The following LRRFIP1 variants were observed in gnomAD, a reference collection of about 807,000 sequenced individuals.
The protein encoded by LRRFIP1 is LRR binding FLII interacting protein 1, also known as leucine-rich repeat flightless-interacting protein 1.
LRRFIP1 carries 62 observed loss-of-function variants against 104.4 expected under a neutral mutation model. The ratio of observed to expected loss-of-function variants is 0.59; its 90% confidence interval spans 0.48 to 0.73. The LOEUF (loss-of-function observed/expected upper bound fraction) is 0.73, where lower values mean the gene tolerates loss of function less well. Ranked by LOEUF, LRRFIP1 falls within the 30% of genes least tolerant of loss-of-function variation. The probability of loss-of-function intolerance (pLI) is 0.00; values close to 1 mark genes in which losing one functional copy is unlikely to be tolerated. For missense variants in LRRFIP1, 796 were observed against 824.5 expected (o/e 0.97, Z 0.42); for synonymous variants, 300 against 299.0 (o/e 1.00, Z -0.03).
chr2:237,647,662 AGGG>A (rs2085163840), intron 1 of LRRFIP1, among the ~76,000 whole-genome samples: 2 of 151,404 alleles, frequency 1.3e-5, no homozygotes, highest in African/African-American at 4.9e-5. Flanking sequence ...CACTGCACGC[AGGG>A]TGGAGGGAGC....
intron 1 of LRRFIP1, among the ~76,000 whole-genome samples, chr2:237,685,620 C>T (rs764060361): frequency 4.6e-5 from 7 of 152,172 alleles, no homozygotes; most frequent in Non-Finnish European, 8.8e-5. Context: ...AGCTCACAAT[C>T]GGATCAAATC....
At chr2:237,663,417 G>A (rs1575251252) in intron 1 of LRRFIP1, among the ~76,000 whole-genome samples, 1 of 65,202 alleles carries the variant, frequency 1.5e-5, no homozygotes, top group African/African-American at 4.2e-5. Context: ...AAACAAACCC[G>A]GGGAGTTCTT....
intron 1 of LRRFIP1, among the ~76,000 whole-genome samples, chr2:237,638,270 C>T (rs756475193): frequency 6.6e-6 from 1 of 152,134 alleles, no homozygotes; most frequent in South Asian, 2.1e-4. Flanking sequence ...TCATAAGGAG[C>T]GCACAACCTA....
intron 14 of LRRFIP1, among the ~76,000 whole-genome samples, chr2:237,752,393 G>A (rs974732295): frequency 2.6e-5 from 4 of 152,168 alleles, no homozygotes; most frequent in African/African-American, 7.2e-5. Context: ...GTGACAGAGC[G>A]AGACACTGTT....
intron 11 of LRRFIP1, among the ~76,000 whole-genome samples, chr2:237,741,716 T>A (rs59091070): frequency 0.049 from 7,386 of 151,798 alleles, 197 homozygotes; most frequent in Middle Eastern, 0.13. Context: ...TAATCCCAGC[T>A]ACTTGGGAGG....
At position 237,733,640 on chromosome 2, in the gene LRRFIP1, C is replaced by T. The variant is rs769537918; in HGVS notation, c.445-134C>T. 6.1e-4 allele frequency: 464 copies of T among 755,474 alleles called. 1 individual carries two copies. The highest frequency in any genetic ancestry group is 1.5e-3 in the Admixed American group (60 of 40,600). The allele number at this position is 755,474 out of a possible 1,614,324, so 46.8% of individuals were successfully genotyped here. A position where few individuals can be genotyped will look rare whatever the true frequency, so the allele number is the denominator to read the frequency against. Reference sequence around the variant, plus strand: ...TTTGCAGAAAACACGGTGCCTCGATCGGTTTGTTTCTGTTTAACCACTGTA... The same window carrying T: ...TTTGCAGAAAACACGGTGCCTCGATTGGTTTGTTTCTGTTTAACCACTGTA... On this transcript the variant is annotated intron_variant, in intron 8 of 23. Transcript: ENST00000308482.
rs1006259488 is a variant in LRRFIP1, at chr2:237,655,408, C to G, written c.96+27668C>G. 2.6e-5 allele frequency among the ~76,000 whole-genome samples: 4 copies of G among 151,720 alleles called. No homozygotes were observed. In the South Asian group the frequency reaches 6.3e-4, roughly 24 times the overall value. On this transcript the variant is annotated intron_variant, in intron 1 of 23. Coordinates refer to ENST00000308482, the MANE Select transcript of LRRFIP1 (RefSeq NM_001137550.2). ...TACAGACATGAGCCACTGCACCCAGCCGTCACTCATCTTCTAATGGAAAGA... is the reference window on the plus strand; with the variant it reads ...TACAGACATGAGCCACTGCACCCAGGCGTCACTCATCTTCTAATGGAAAGA...
At chr2:237,732,120 G>A (rs990327127) in intron 8 of LRRFIP1, among the ~76,000 whole-genome samples, 1 of 151,780 alleles carries the variant, frequency 6.6e-6, no homozygotes, top group Non-Finnish European at 1.5e-5. Flanking sequence ...GTCCTAATTT[G>A]GCCCCATCTC....
Position 237,711,582 on chromosome 2 carries a change from G to A in LRRFIP1, c.184-2677G>A, listed in dbSNP as rs564608464. The stretch of plus-strand genomic sequence containing the variant: ...TGCCTGCACTTCTTCCCTCACGACC[G>A]TGGCTTGCGGCTGTGACACAGGGCG... On this transcript the variant is annotated intron_variant, in intron 2 of 23. Coordinates refer to ENST00000308482, the MANE Select transcript of LRRFIP1 (RefSeq NM_001137550.2). This position sits in a 1 kb window ranked among gnomAD's most constrained non-coding sequence, Gnocchi z 4.4. 6.6e-6 allele frequency among the ~76,000 whole-genome samples: 1 copy of A among 152,246 alleles called. No individual in the cohort carries two copies. The highest frequency in any genetic ancestry group is 1.9e-4 in the East Asian group (1 of 5,188).
At chr2:237,662,399 G>T (rs891995666) in intron 1 of LRRFIP1, among the ~76,000 whole-genome samples, 2 of 152,172 alleles carry the variant, frequency 1.3e-5, no homozygotes, top group African/African-American at 4.8e-5. Context: ...ACTGAACGCA[G>T]TGCAGGGTTC....
intron 10 of LRRFIP1, among the ~76,000 whole-genome samples, chr2:237,736,886 A>G (rs1258412809): frequency 6.6e-6 from 1 of 152,102 alleles, no homozygotes; most frequent in Non-Finnish European, 1.5e-5. Context: ...TTCCCCTCCA[A>G]GTGGATACTC....
chr2:237,748,540 C>A (rs2058174710), intron 12 of LRRFIP1, 141 bp downstream of exon 12: 1 of 735,358 alleles, frequency 1.4e-6, no homozygotes, highest in East Asian at 2.6e-5. Flanking sequence ...AACCTGGTAT[C>A]ACCTTCCCGG....
At chr2:237,767,279 A>G (rs2150901035) in intron 19 of LRRFIP1, among the ~76,000 whole-genome samples, 1 of 152,354 alleles carries the variant, frequency 6.6e-6, no homozygotes, top group African/African-American at 2.4e-5. Context: ...GTGTCAAAAG[A>G]TTCAAACTCA....
At chr2:237,692,235 C>T (rs2092842898) in intron 1 of LRRFIP1, 2 of 1,113,470 alleles carry the variant, frequency 1.8e-6, no homozygotes, top group Admixed American at 5.0e-5. Context: ...ACTCAGCCCG[C>T]GGCCACCTGC....
intron 9 of LRRFIP1, among the ~76,000 whole-genome samples, chr2:237,734,108 A>G (rs192242588): frequency 9.6e-4 from 146 of 152,304 alleles, no homozygotes; most frequent in Admixed American, 8.6e-3. Flanking sequence ...TACTTTACCT[A>G]TTGGCAGAAA....
At chr2:237,687,894 C>T (rs1030051363) in intron 1 of LRRFIP1, among the ~76,000 whole-genome samples, 22 of 152,158 alleles carry the variant, frequency 1.4e-4, no homozygotes, top group African/African-American at 5.1e-4. Flanking sequence ...CAGTGGGAGG[C>T]GCAGCTAGTG....
At chr2:237,706,407 C>G (rs551674363) in intron 1 of LRRFIP1, among the ~76,000 whole-genome samples, 3 of 152,308 alleles carry the variant, frequency 2.0e-5, no homozygotes, top group African/African-American at 7.2e-5. Flanking sequence ...CCTCTGCCCC[C>G]CAACCCCCAA....
At position 237,717,887 on chromosome 2, in the gene LRRFIP1, T is replaced by C; in HGVS notation, c.249+78T>C. ...GTGTTGAGACTTAAATGGTTTATAA[T>C]GTAATTCTTACGCAGTTTAACTATG... On this transcript the variant is annotated intron_variant, in intron 4 of 23. Coordinates refer to ENST00000308482, the MANE Select transcript of LRRFIP1 (RefSeq NM_001137550.2). The surrounding 1 kb of genome is among the most constrained non-coding windows in gnomAD (Gnocchi z 4.2). The C allele has an allele frequency of 9.1e-7, 1 of 1,104,214 alleles. No homozygotes were observed. Among genetic ancestry groups the C allele is most frequent in the South Asian group, 1.2e-5 (1 of 80,800 alleles). The allele number at this position is 1,104,214 out of a possible 1,614,324, so 68.4% of individuals were successfully genotyped here.
chr2:237,716,351 A>G (rs2094331196), intron 3 of LRRFIP1, among the ~76,000 whole-genome samples: 3 of 152,244 alleles, frequency 2.0e-5, no homozygotes, highest in African/African-American at 7.2e-5. Context: ...AATAACCTAC[A>G]GAAAAAGATA....
Sources: allele counts gnomAD v4.1 joint callset (sites outside exome capture counted in the v4.1 genomes callset), GRCh38; gene constraint gnomAD v4.1.1; non-coding constraint Gnocchi (gnomAD v3.1); transcripts MANE v1.5; gene names NCBI Gene and HGNC (gene_info 2026-07-23, HGNC 2026-07-21).